TPR: variants seen among roughly 807,000 people sequenced by gnomAD.
TPR encodes translocated promoter region, nuclear basket protein.
TPR carries 51 observed loss-of-function variants against 316.1 expected under a neutral mutation model. That is an observed-to-expected ratio of 0.16 (90% CI 0.13 to 0.20). The LOEUF is 0.20. Ranked by LOEUF, TPR falls within the 10% of genes least tolerant of loss-of-function variation. The pLI is 1.00. For missense variants in TPR, 2,272 were observed against 2,754.8 expected, an observed-to-expected ratio of 0.82 and a Z score of 3.92; for synonymous variants, 981 against 914.7, an observed-to-expected ratio of 1.07 and a Z score of -1.31.
At chr1:186,314,577 T>C in intron 50 of TPR, 52 bp downstream of exon 50, 1 of 1,415,936 alleles carries the variant, frequency 7.1e-7, no homozygotes, top group Non-Finnish European at 9.7e-7. Context: ...ACTTGTTCCA[T>C]TTATTACTAT....
intron 10 of TPR, 58 bp downstream of exon 10, chr1:186,360,707 C>G: frequency 6.3e-7 from 1 of 1,598,738 alleles, no homozygotes; most frequent in Middle Eastern, 1.7e-4. Flanking sequence ...AATTAAATGA[C>G]TTTTATGTAG....
At chr1:186,331,465 A>G (rs1020202231) in intron 39 of TPR, 33 bp downstream of exon 39, 2 of 1,481,388 alleles carry the variant, frequency 1.4e-6, no homozygotes, top group South Asian at 1.2e-5. Flanking sequence ...ACGAAAAGCA[A>G]CGGTGTGGTA....
intron 17 of TPR, 59 bp from the exon 18 acceptor site, chr1:186,353,909 G>T: frequency 6.5e-7 from 1 of 1,529,504 alleles, no homozygotes. Context: ...TTAATCCCTT[G>T]AAGAAATTTC....
intron 2 of TPR, among the ~76,000 whole-genome samples, 189 bp downstream of exon 2, chr1:186,373,170 C>A (rs767789187): frequency 2.4e-4 from 37 of 152,162 alleles, no homozygotes; most frequent in Non-Finnish European, 4.1e-4. Context: ...GACCTCCTGA[C>A]CATTAAATTC....
At chr1:186,318,400 AGTCT>A (rs1204064189) in intron 48 of TPR, 43 bp downstream of exon 48, 1 of 1,573,688 alleles carries the variant, frequency 6.4e-7, no homozygotes, top group Non-Finnish European at 8.6e-7. Context: ...CAAATGTACA[AGTCT>A]GTTGAGACTA....
intron 46 of TPR, among the ~76,000 whole-genome samples, chr1:186,319,468 A>G (rs1657710005): frequency 6.6e-6 from 1 of 152,232 alleles, no homozygotes. Context: ...TAAGCTTAAA[A>G]TGTTGGCATT....
chr1:186,328,974 T>C (rs1412284313), intron 39 of TPR, among the ~76,000 whole-genome samples: 1 of 152,120 alleles, frequency 6.6e-6, no homozygotes, highest in African/African-American at 2.4e-5. Flanking sequence ...AAATTACATA[T>C]GCCGTAATGG....
rs1163384725 is a variant in TPR at position 186,360,911 on chromosome 1, A to C, written c.959-6T>G. The C allele has an allele frequency of 6.2e-7, 1 of 1,603,512 alleles. No homozygotes were observed. Among genetic ancestry groups the C allele is most frequent in the Non-Finnish European group, 8.5e-7 (1 of 1,176,468 alleles). The stretch of plus-strand genomic sequence containing the variant: ...ATCTTGTATTGCTTTGTTGGCTAAA[A>C]AACAATTTTAAAGACCAAATATTCA... On this transcript the variant is annotated splice_polypyrimidine_tract_variant and splice_region_variant and intron_variant, in intron 9 of 50. Transcript: ENST00000367478.
At chr1:186,363,207 A>ATGCTTAAT in intron 5 of TPR, 135 bp downstream of exon 5, 1 of 968,010 alleles carries the variant, frequency 1.0e-6, no homozygotes, top group Non-Finnish European at 1.5e-6. Flanking sequence ...AATTGTCCTA[A>ATGCTTAAT]TGCTTAATTT....
chr1:186,345,917 A>T lies in TPR; in HGVS notation c.3096+218T>A, dbSNP rs186888443. On this transcript the variant is annotated intron_variant, in intron 23 of 50. Transcript: ENST00000367478. The stretch of plus-strand genomic sequence containing the variant: ...AGTCAAGTCTCAGGTAGGGGCTTTT[A>T]AAAAGAACCAGTGATACCTATTTCT... Among the ~76,000 whole-genome samples the T allele has an allele frequency of 5.9e-3, 899 of 152,236 alleles. 11 individuals carry two copies. Among genetic ancestry groups the T allele is most frequent in the African/African-American group, 0.021 (870 of 41,540 alleles).
At chr1:186,342,899 A>C (rs1486325090) in intron 27 of TPR, 1 of 152,888 alleles carries the variant, frequency 6.5e-6, no homozygotes, top group Non-Finnish European at 1.5e-5. Flanking sequence ...AGTTTAAATC[A>C]CTTTATCCTA....
chr1:186,313,156 T>C lies in TPR; in HGVS notation c.*815A>G. 2.1e-6 allele frequency: 1 copy of C among 487,060 alleles called. No homozygotes were observed. The highest frequency in any genetic ancestry group is 3.6e-5 in the East Asian group (1 of 27,930). 30.2% of individuals were successfully genotyped at this position (487,060 alleles called of 1,614,324 possible). A position where few individuals can be genotyped will look rare whatever the true frequency, so the allele number is the denominator to read the frequency against. ...AGTAAACTTGCTACTGACAATAGTA[T>C]TTTACTTCTATCATTTGTGGCATTT... On this transcript the variant is annotated 3_prime_UTR_variant, in exon 51 of 51. Transcript: ENST00000367478.
chr1:186,374,604 C>A (rs983823082), intron 1 of TPR, among the ~76,000 whole-genome samples: 2 of 152,216 alleles, frequency 1.3e-5, no homozygotes, highest in African/African-American at 4.8e-5. Context: ...TCTATCAAGT[C>A]TGTTTCCCGT....
intron 45 of TPR, 38 bp downstream of exon 45, chr1:186,322,280 G>C (rs373007951): frequency 6.5e-7 from 1 of 1,545,188 alleles, no homozygotes; most frequent in African/African-American, 1.4e-5. Context: ...CTAAAAGTTT[G>C]ATTAGTTATA....
intron 26 of TPR, 106 bp from the exon 27 acceptor site, chr1:186,343,579 T>C: frequency 9.8e-7 from 1 of 1,021,016 alleles, no homozygotes; most frequent in East Asian, 2.6e-5. Context: ...TTAATAACTA[T>C]TACACGTTTT....
intron 36 of TPR, 121 bp downstream of exon 36, chr1:186,334,204 C>G (rs770055073): frequency 1.0e-4 from 104 of 1,035,834 alleles, no homozygotes; most frequent in Non-Finnish European, 1.4e-4. Context: ...ATTAAACACC[C>G]ATTTTTACAA....
chr1:186,316,810 A>G (rs1445188690), intron 49 of TPR, among the ~76,000 whole-genome samples: 1 of 152,246 alleles, frequency 6.6e-6, no homozygotes, highest in East Asian at 1.9e-4. Context: ...AGAATCAAAT[A>G]AGGAAATATA....
Position 186,347,380 on chromosome 1 carries a change from T to C in TPR, c.2855A>G (p.Lys952Arg). The change falls in exon 22 of 51, where the codon AAG (lysine) becomes AGG (arginine). Residue 952 changes from lysine to arginine, a missense_variant. This residue lies in a region of TPR where 757 missense variants were observed against 859.8 expected (regional missense o/e 0.88). Coordinates refer to ENST00000367478, the MANE Select transcript of TPR (RefSeq NM_003292.3). The part of the protein sequence containing the change: ...RQTEEQVNDL[K>R]ERLKTSTSNV... ...GCTCGTACTTGTTTTGAGTCTCTCC[T>C]TTAAGTCATTCACCTGCTCTTCTGT... The C allele has an allele frequency of 6.2e-7, 1 of 1,614,078 alleles. No individual in the cohort carries two copies. The highest frequency in any genetic ancestry group is 8.5e-7 in the Non-Finnish European group (1 of 1,179,982).
rs1336641500 is a variant in TPR, at chr1:186,320,258, A to G, written c.6568+54T>C. On this transcript the variant is annotated intron_variant, in intron 46 of 50. Coordinates refer to ENST00000367478, the MANE Select transcript of TPR (RefSeq NM_003292.3). ...TTCCCCCCTTAAATCACATCTTAAT[A>G]GTTTATTACCAAATACATACAAATT... 200 of 1,426,306 alleles carry G rather than the reference A, an allele frequency of 1.4e-4. 9 individuals carry two copies. The South Asian group carries it at 2.5e-3, about 18-fold the overall frequency. 88.4% of individuals were successfully genotyped at this position (1,426,306 alleles called of 1,614,324 possible).
Sources: allele counts gnomAD v4.1 joint callset (sites outside exome capture counted in the v4.1 genomes callset), GRCh38; gene constraint gnomAD v4.1.1; regional missense constraint gnomAD v4.1.1; transcripts MANE v1.5; gene names NCBI Gene and HGNC (gene_info 2026-07-23, HGNC 2026-07-21).